Variants in HSPG2 observed in about 807,000 individuals in gnomAD.
HSPG2 encodes basement membrane-specific heparan sulfate proteoglycan core protein.
HSPG2 carries 278 observed loss-of-function variants against 526.6 expected under a neutral mutation model. The ratio of observed to expected loss-of-function variants is 0.53; its 90% confidence interval spans 0.48 to 0.58. HSPG2 has a LOEUF of 0.58. Among genes scored for constraint, HSPG2 ranks in the 20% least tolerant of loss-of-function variants. The pLI is 0.00. For missense variants in HSPG2, 5,354 were observed against 6,099.5 expected (o/e 0.88, Z 4.07); for synonymous variants, 2,465 against 2,555.4 (o/e 0.96, Z 1.07).
Position 21,852,791 on chromosome 1 carries a change from G to T in HSPG2, c.6633C>A (p.Ala2211=), listed in dbSNP as rs150598449. Residue 2211 remains alanine, a synonymous_variant, in exon 52 of 97, where the codon GCC becomes GCA. Coordinates refer to ENST00000374695, the MANE Select transcript of HSPG2 (RefSeq NM_005529.7). The stretch of plus-strand genomic sequence containing the variant: ...CATGGCACACATACTCGCCTGAGTC[G>T]GCCGGGGTCACCTGGTGCAGCCGCA... ...SLLRLHQVTP[A]DSGEYVCHVV... 3.2e-5 allele frequency: 51 copies of T among 1,612,836 alleles called. No individual in the cohort carries two copies. The highest frequency in any genetic ancestry group is 2.7e-5 in the African/African-American group (2 of 74,934).
intron 74 of HSPG2, among the ~76,000 whole-genome samples, chr1:21,837,241 C>T (rs927413208): frequency 6.6e-5 from 10 of 152,216 alleles, no homozygotes; most frequent in Admixed American, 3.3e-4. Flanking sequence ...CACAGCTCCT[C>T]GCTTCTGGGT....
rs113559506 is a variant in HSPG2 at position 21,880,427 on chromosome 1, C to T, written c.2131G>A (p.Ala711Thr). Reference sequence around the variant, plus strand: ...GCATGGGTGACGGTGGTATCCATGGCGATGTCGCTAAGTCCCACGCTGGCC... The same window carrying T: ...GCATGGGTGACGGTGGTATCCATGGTGATGTCGCTAAGTCCCACGCTGGCC... ...KMASVGLSDI[A>T]MDTTVTHATS... is the part of the protein sequence containing the mutation. The change falls in exon 16 of 97, where the codon GCC becomes ACC. Residue 711 changes from alanine to threonine, a missense_variant. Physicochemically the swap from Ala to Thr is moderately conservative, Grantham distance 58 (BLOSUM62 0). Coordinates refer to ENST00000374695, the MANE Select transcript of HSPG2 (RefSeq NM_005529.7). 15 of 1,613,930 alleles carry T rather than the reference C, an allele frequency of 9.3e-6. No homozygotes were observed. Among genetic ancestry groups the T allele is most frequent in the African/African-American group, 4.0e-5 (3 of 74,928 alleles).
chr1:21,900,939 T>C (rs1334137457), intron 1 of HSPG2, among the ~76,000 whole-genome samples: 1 of 152,054 alleles, frequency 6.6e-6, no homozygotes, highest in African/African-American at 2.4e-5. Context: ...TGAACCGACA[T>C]GAAGCTATTC....
chr1:21,844,313 G>A lies in HSPG2; in HGVS notation c.8465-14C>T. On this transcript the variant is annotated splice_polypyrimidine_tract_variant and intron_variant, in intron 64 of 96. Transcript: ENST00000374695. ...CTCCACCTGGGGCTGGGGCACAGGG[G>A]AGAGGTCAGTGAGCTGAGATGCCAC... 2.5e-6 allele frequency: 4 copies of A among 1,608,180 alleles called. No individual in the cohort carries two copies. Among genetic ancestry groups the A allele is most frequent in the South Asian group, 1.1e-5 (1 of 90,912 alleles).
intron 56 of HSPG2, 37 bp downstream of exon 56, chr1:21,850,326 T>TCAGGGA (rs1317250028): frequency 6.3e-7 from 1 of 1,596,906 alleles, no homozygotes; most frequent in Non-Finnish European, 8.5e-7. Context: ...CCTCCCACCC[T>TCAGGGA]GGGTCCCCAG....
chr1:21,865,273 G>T lies in HSPG2; in HGVS notation c.4395+12C>A. On this transcript the variant is annotated intron_variant, in intron 35 of 96. Transcript: ENST00000374695. This position sits in a 1 kb window ranked among gnomAD's most constrained non-coding sequence, Gnocchi z 5.4. ...GGTGGGGTTAGACACAGCATGGCCA[G>T]GTGCCCCTTACCTCTCGGAACATGA... The T allele has an allele frequency of 6.2e-7, 1 of 1,613,680 alleles. No individual in the cohort carries two copies. The highest frequency in any genetic ancestry group is 8.5e-7 in the Non-Finnish European group (1 of 1,179,594).
chr1:21,832,517 C>A lies in HSPG2; in HGVS notation c.11185G>T (p.Val3729Leu). 6.2e-7 allele frequency: 1 copy of A among 1,614,138 alleles called. No homozygotes were observed. Among genetic ancestry groups the A allele is most frequent in the Non-Finnish European group, 8.5e-7 (1 of 1,179,976 alleles). ...RQPDFISFGL[V>L]GGRPEFRFDA... The stretch of plus-strand genomic sequence containing the variant: ...CACCGGAACTCGGGCCTTCCCCCCA[C>A]GAGGCCGAAGGAGATGAAGTCGGGC... Residue 3729 changes from valine to leucine, a missense_variant, in exon 81 of 97, where the codon GTG becomes TTG. Val to Leu is a conservative substitution (Grantham distance 32). Coordinates refer to ENST00000374695, the MANE Select transcript of HSPG2 (RefSeq NM_005529.7).
chr1:21,844,132 T>C lies in HSPG2; in HGVS notation c.8616+16A>G. The C allele has an allele frequency of 6.2e-7, 1 of 1,612,236 alleles. No individual in the cohort carries two copies. The highest frequency in any genetic ancestry group is 8.5e-7 in the Non-Finnish European group (1 of 1,179,792). Reference sequence around the variant, plus strand: ...CAGGTGTGGAGGATGCATGCATCCTTCTCCAGCTCCTTTACCTGGTGCCGG... The same window carrying C: ...CAGGTGTGGAGGATGCATGCATCCTCCTCCAGCTCCTTTACCTGGTGCCGG... On this transcript the variant is annotated intron_variant, in intron 65 of 96. Transcript: ENST00000374695.
At position 21,855,592 on chromosome 1, in the gene HSPG2, C is replaced by A; in HGVS notation, c.5785G>T (p.Ala1929Ser). 6.3e-7 allele frequency: 1 copy of A among 1,589,206 alleles called. No homozygotes were observed. The highest frequency in any genetic ancestry group is 8.5e-7 in the Non-Finnish European group (1 of 1,169,910). The change falls in exon 46 of 97, where the codon GCC (alanine) becomes TCC (serine). Residue 1929 changes from alanine to serine, a missense_variant. By Grantham distance (99) the Ala-to-Ser change is moderately conservative. Coordinates refer to ENST00000374695, the MANE Select transcript of HSPG2 (RefSeq NM_005529.7). ...RLPAVEPTDQ[A>S]QYLCRAHSSA... Reference sequence around the variant, plus strand: ...CTGTGGGCTCGGCACAAGTACTGGGCCTGATCCGTGGGCTCGACAGCTGGC... The same window carrying A: ...CTGTGGGCTCGGCACAAGTACTGGGACTGATCCGTGGGCTCGACAGCTGGC...
chr1:21,828,364 C>T lies in HSPG2; in HGVS notation c.12300G>A (p.Gly4100=), dbSNP rs1379531332. The part of the protein sequence containing the change: ...TYSFLGSQGI[G]QCYDSSPCER... Reference sequence around the variant, plus strand: ...CACATGGGGAGCTATCATAGCATTGCCCGATGCCCTGGCTGCCTAGGAAAC... The same window carrying T: ...CACATGGGGAGCTATCATAGCATTGTCCGATGCCCTGGCTGCCTAGGAAAC... Residue 4100 remains glycine (G), a synonymous_variant, in exon 89 of 97, where the codon GGG becomes GGA. Coordinates refer to ENST00000374695, the MANE Select transcript of HSPG2 (RefSeq NM_005529.7). The surrounding 1 kb of genome is among the most constrained non-coding windows in gnomAD (Gnocchi z 6.0). The T allele has an allele frequency of 1.9e-6, 3 of 1,613,804 alleles. No individual in the cohort carries two copies. Among genetic ancestry groups the T allele is most frequent in the African/African-American group, 2.7e-5 (2 of 75,054 alleles).
chr1:21,857,439 G>T (rs1430294561), intron 42 of HSPG2, 54 bp from the exon 43 acceptor site: 3 of 1,506,052 alleles, frequency 2.0e-6, no homozygotes, highest in Non-Finnish European at 2.8e-6. Flanking sequence ...CCCCGGTCCT[G>T]TGGCCACTTT....
At chr1:21,925,805 G>C (rs938308622) in intron 1 of HSPG2, among the ~76,000 whole-genome samples, 2 of 152,034 alleles carry the variant, frequency 1.3e-5, no homozygotes, top group African/African-American at 4.8e-5. Context: ...TGACAACCTG[G>C]GCTCCATTCC....
At chr1:21,909,598 C>A (rs1398482580) in intron 1 of HSPG2, among the ~76,000 whole-genome samples, 1 of 152,234 alleles carries the variant, frequency 6.6e-6, no homozygotes, top group East Asian at 1.9e-4. Flanking sequence ...GCTGGCATCC[C>A]CTCAGAGTCT....
At chr1:21,846,401 G>A (rs1010676411) in intron 63 of HSPG2, 47 bp downstream of exon 63, 2 of 1,611,924 alleles carry the variant, frequency 1.2e-6, no homozygotes, top group African/African-American at 1.3e-5. Flanking sequence ...GCTAGCCAGG[G>A]CCCCCACATC....
Position 21,859,510 on chromosome 1 carries a change from G to T in HSPG2, c.5293+56C>A. 1 of 1,364,224 alleles carries T rather than the reference G, an allele frequency of 7.3e-7. No individual in the cohort carries two copies. The highest frequency in any genetic ancestry group is 1.0e-6 in the Non-Finnish European group (1 of 976,114). 84.5% of individuals were successfully genotyped at this position (1,364,224 alleles called of 1,614,324 possible). ...AATGCACCATCTGCCTGAATCTGCA[G>T]CCTGCAGCCCAGCCCAGGACAGGCA... On this transcript the variant is annotated intron_variant, in intron 42 of 96. Coordinates refer to ENST00000374695, the MANE Select transcript of HSPG2 (RefSeq NM_005529.7). This position sits in a 1 kb window ranked among gnomAD's most constrained non-coding sequence, Gnocchi z 5.3.
Position 21,855,810 on chromosome 1 carries a change from G to C in HSPG2, c.5678C>G (p.Pro1893Arg). Residue 1893 changes from proline to arginine, a missense_variant, in exon 45 of 97, where the codon CCC (proline) becomes CGC (arginine). By Grantham distance (103) the Pro-to-Arg change is moderately radical (BLOSUM62 -2). Coordinates refer to ENST00000374695, the MANE Select transcript of HSPG2 (RefSeq NM_005529.7). ...ACCTGTCCACTCGAGGGTGGGCGTG[G>C]GGCTCCCTGTGGCGCTGCAGCGGAA... ...AEFRCSATGS[P>R]TPTLEWTGGP... 1 of 1,613,220 alleles carries C rather than the reference G, an allele frequency of 6.2e-7. No individual in the cohort carries two copies. Among genetic ancestry groups the C allele is most frequent in the South Asian group, 1.1e-5 (1 of 91,032 alleles).
chr1:21,854,028 A>C (rs1488345172), intron 50 of HSPG2, among the ~76,000 whole-genome samples, 165 bp downstream of exon 50: 1 of 151,992 alleles, frequency 6.6e-6, no homozygotes, highest in Non-Finnish European at 1.5e-5. Context: ...ACCAGCCTTA[A>C]CCTCCCTCCC....
In HSPG2 at chr1:21,884,500, C is replaced by T. The variant is rs371933296; in HGVS notation, c.1654+28G>A. The T allele has an allele frequency of 1.5e-4, 237 of 1,610,794 alleles. No individual in the cohort carries two copies. The African/African-American group carries it at 2.4e-3, about 16-fold the overall frequency. ...ACAGAGGTACCCACCTCCCACCTCC[C>T]GCAGCGCTCACCCGCCCGCCAACGC... On this transcript the variant is annotated intron_variant, in intron 13 of 96. Transcript: ENST00000374695.
In HSPG2 at chr1:21,895,964, C is replaced by G. The variant is rs746978748; in HGVS notation, c.202G>C (p.Asp68His). Residue 68 changes from aspartate to histidine, a missense_variant and splice_region_variant, in exon 3 of 97, where the codon GAC becomes CAC. Asp to His is a moderately conservative substitution (Grantham distance 81). Transcript: ENST00000374695. This position sits in a 1 kb window ranked among gnomAD's most constrained non-coding sequence, Gnocchi z 4.1. ...DMLADSISGD[D>H]LGSGDLGSGD... ...CTGCCCAGGTCCCCACTGCCCAGGT[C>G]GTCTATAAGCAAAAAAGAGATGTAA... is the stretch of plus-strand genomic sequence containing the variant. 1 of 1,614,018 alleles carries G rather than the reference C, an allele frequency of 6.2e-7. No individual in the cohort carries two copies.
Sources: gnomAD v4.1 joint callset for allele counts (sites outside exome capture counted in the v4.1 genomes callset) on GRCh38, gnomAD v4.1.1 for gene constraint, Gnocchi (gnomAD v3.1) non-coding constraint, MANE v1.5 for transcripts, NCBI Gene and HGNC (gene_info 2026-07-23, HGNC 2026-07-21) for gene names.